Variants in BAZ1A observed in about 807,000 individuals in gnomAD.
The protein encoded by BAZ1A is bromodomain adjacent to zinc finger domain protein 1A.
A neutral mutation model predicts 185.2 loss-of-function variants in BAZ1A; 50 were observed. The observed-to-expected ratio is 0.27, with a 90% confidence interval of 0.22 to 0.34. The LOEUF (loss-of-function observed/expected upper bound fraction) is 0.34, where lower values mean the gene tolerates loss of function less well. BAZ1A is among the 10% of genes least tolerant of loss of function. BAZ1A has a pLI of 1.00. For synonymous variants in BAZ1A, 571 were observed against 615.6 expected (o/e 0.93, Z 1.07); for missense variants, 1,356 against 1,839.9 (o/e 0.74, Z 4.81).
chr14:34,808,520 CAAAA>C (rs928376950), intron 5 of BAZ1A, among the ~76,000 whole-genome samples: 1 of 151,478 alleles, frequency 6.6e-6, no homozygotes, highest in Non-Finnish European at 1.5e-5. Flanking sequence ...CAAAACAAAA[CAAAA>C]AAAATTAAAA....
intron 3 of BAZ1A, among the ~76,000 whole-genome samples, chr14:34,850,145 C>T (rs1242599274): frequency 2.0e-5 from 3 of 151,982 alleles, no homozygotes; most frequent in Non-Finnish European, 4.4e-5. Flanking sequence ...TTTGGGAGGC[C>T]GAGGCTGGCA....
chr14:34,847,453 T>C (rs368232631), intron 3 of BAZ1A, among the ~76,000 whole-genome samples: 10 of 152,240 alleles, frequency 6.6e-5, no homozygotes, highest in Admixed American at 4.6e-4. Context: ...ATAAATTTAA[T>C]GTGTTGCTAA....
At chr14:34,753,837 G>A in intron 26 of BAZ1A, 133 bp from the exon 27 acceptor site, 1 of 721,786 alleles carries the variant, frequency 1.4e-6, no homozygotes. Context: ...AGAAGACTCT[G>A]GCTAGGCATG....
At position 34,759,184 on chromosome 14, in the gene BAZ1A, T is replaced by TGTTGTTTTTTTTG. The variant is rs1555336964; in HGVS notation, c.4244-339_4244-338insCAAAAAAAACAAC. On this transcript the variant is annotated intron_variant, in intron 24 of 26. Coordinates refer to ENST00000360310, the MANE Select transcript of BAZ1A (RefSeq NM_013448.3). ...TTTACAGCTACAGTTTTTTTTTTTTTTTTTTTTTTTTTTTGAGATGGAGTC... is the reference window on the plus strand; with the variant it reads ...TTTACAGCTACAGTTTTTTTTTTTTTGTTGTTTTTTTTGTTTTTTTTTTTTTTGAGATGGAGTC... Among the ~76,000 whole-genome samples, 4 of 108,106 alleles carry TGTTGTTTTTTTTG rather than the reference T, an allele frequency of 3.7e-5. No individual in the cohort carries two copies. In the East Asian group the frequency reaches 1.1e-3, roughly 31 times the overall value. 70.9% of individuals were successfully genotyped at this position (108,106 alleles called of 152,430 possible). A position where few individuals can be genotyped will look rare whatever the true frequency, so the allele number is the denominator to read the frequency against.
intron 20 of BAZ1A, among the ~76,000 whole-genome samples, chr14:34,771,899 G>C (rs1959153): frequency 6.6e-6 from 1 of 152,144 alleles, no homozygotes; most frequent in Non-Finnish European, 1.5e-5. Context: ...GTGACATTGT[G>C]ATGGGCCTTA....
At chr14:34,838,193 C>T (rs1594890559) in intron 3 of BAZ1A, among the ~76,000 whole-genome samples, 1 of 152,170 alleles carries the variant, frequency 6.6e-6, no homozygotes, top group African/African-American at 2.4e-5. Context: ...TAAACACTTC[C>T]GTTATATGCA....
chr14:34,801,981 G>A (rs566787058), intron 7 of BAZ1A, among the ~76,000 whole-genome samples: 1 of 151,498 alleles, frequency 6.6e-6, no homozygotes. Context: ...AGTTAACTCT[G>A]TAGCTCTATA....
Position 34,875,201 on chromosome 14 carries a change from C to A in BAZ1A, c.-122G>T, listed in dbSNP as rs1286917557. On this transcript the variant is annotated 5_prime_UTR_variant, in exon 1 of 27. Transcript: ENST00000360310. ...CTACAAAGGCAACGAGGGGAGACCC[C>A]GTCCTCCCAGGGGACCGCCTCTCTC... 2 of 449,728 alleles carry A rather than the reference C, an allele frequency of 4.4e-6. No individual in the cohort carries two copies. The highest frequency in any genetic ancestry group is 4.5e-6 in the Non-Finnish European group (1 of 223,770). 27.9% of individuals were successfully genotyped at this position (449,728 alleles called of 1,614,324 possible). A position where few individuals can be genotyped will look rare whatever the true frequency, so the allele number is the denominator to read the frequency against.
chr14:34,847,960 A>G (rs528351245), intron 3 of BAZ1A, among the ~76,000 whole-genome samples: 1 of 152,000 alleles, frequency 6.6e-6, no homozygotes, highest in Non-Finnish European at 1.5e-5. Flanking sequence ...CCTGGGCTCT[A>G]GCAATCTTCC....
chr14:34,853,856 G>A lies in BAZ1A; in HGVS notation c.392+8188C>T, dbSNP rs372387488. Among the ~76,000 whole-genome samples the A allele has an allele frequency of 1.3e-3, 194 of 152,276 alleles. 1 individual carries two copies. Among genetic ancestry groups the A allele is most frequent in the African/African-American group, 4.4e-3 (182 of 41,556 alleles). ...TAAGAAAAGAATATTGAAGCGAGCA[G>A]ATCTGAGTACCTATACCAACTAATT... is the stretch of plus-strand genomic sequence containing the variant. On this transcript the variant is annotated intron_variant, in intron 3 of 26. Coordinates refer to ENST00000360310, the MANE Select transcript of BAZ1A (RefSeq NM_013448.3).
intron 2 of BAZ1A, among the ~76,000 whole-genome samples, chr14:34,866,502 A>AAAAAAAAAAAAAAAAAAG: frequency 3.9e-4 from 31 of 79,550 alleles, no homozygotes; most frequent in African/African-American, 6.1e-4. Flanking sequence ...AAAAAAAAAA[A>AAAAAAAAAAAAAAAAAAG]GAAAAAAGTT....
chr14:34,760,576 G>A (rs1054375037), intron 24 of BAZ1A, among the ~76,000 whole-genome samples: 1 of 151,490 alleles, frequency 6.6e-6, no homozygotes, highest in African/African-American at 2.4e-5. Flanking sequence ...CAGGCCAGGT[G>A]TGGTGGCGCA....
intron 2 of BAZ1A, among the ~76,000 whole-genome samples, chr14:34,868,898 ATGTGTGTGTGTG>A (rs3062620): frequency 1.0e-5 from 1 of 96,092 alleles, no homozygotes; most frequent in Non-Finnish European, 2.5e-5. Context: ...GTAAGTATGT[ATGTGTGTGTGTG>A]TGTGTGTGTG....
At chr14:34,793,300 G>T (rs1880969315) in intron 11 of BAZ1A, among the ~76,000 whole-genome samples, 1 of 151,968 alleles carries the variant, frequency 6.6e-6, no homozygotes, top group Non-Finnish European at 1.5e-5. Context: ...GTGCAAATAG[G>T]GCATAGAAGA....
intron 3 of BAZ1A, among the ~76,000 whole-genome samples, chr14:34,861,407 G>C (rs576065812): frequency 2.0e-5 from 3 of 152,132 alleles, no homozygotes; most frequent in Non-Finnish European, 4.4e-5. Context: ...CACTAACCCT[G>C]CATTTGTATA....
intron 24 of BAZ1A, 66 bp downstream of exon 24, chr14:34,761,691 T>G (rs952393366): frequency 2.9e-6 from 4 of 1,375,316 alleles, no homozygotes; most frequent in Non-Finnish European, 3.0e-6. Flanking sequence ...CCAAAGTATC[T>G]CAACATTCGA....
intron 17 of BAZ1A, among the ~76,000 whole-genome samples, chr14:34,778,189 G>A (rs974713287): frequency 1.3e-5 from 2 of 152,182 alleles, no homozygotes; most frequent in Non-Finnish European, 2.9e-5. Context: ...GAAGCACTGT[G>A]TGTACCCTCT....
intron 3 of BAZ1A, among the ~76,000 whole-genome samples, chr14:34,832,215 C>CACACATACATATATATATATATATAT: frequency 1.1e-5 from 1 of 89,670 alleles, no homozygotes; most frequent in African/African-American, 3.7e-5. Flanking sequence ...CACACACACA[C>CACACATACATATATATATATATATAT]ATATATATAT....
intron 9 of BAZ1A, 96 bp downstream of exon 9, chr14:34,800,128 A>C: frequency 1.7e-6 from 2 of 1,149,058 alleles, no homozygotes. Context: ...ATGTGAATGA[A>C]AGTAGTAAAA....
Sources: allele counts gnomAD v4.1 joint callset (sites outside exome capture counted in the v4.1 genomes callset), GRCh38; gene constraint gnomAD v4.1.1; transcripts MANE v1.5; gene names NCBI Gene and HGNC (gene_info 2026-07-23, HGNC 2026-07-21).